The following PCDHGA2 variants were observed in gnomAD, a reference collection of about 807,000 sequenced individuals.
PCDHGA2 encodes the protein protocadherin gamma-A2.
A neutral mutation model predicts 59.2 loss-of-function variants in PCDHGA2; 40 were observed. That is an observed-to-expected ratio of 0.68 (90% CI 0.52 to 0.88). The LOEUF is 0.88. Among genes scored for constraint, PCDHGA2 ranks in the 40% least tolerant of loss-of-function variants. The probability of loss-of-function intolerance (pLI) is 0.00; values close to 1 mark genes in which losing one functional copy is unlikely to be tolerated. For synonymous variants in PCDHGA2, 560 were observed against 526.0 expected (o/e 1.06, Z -0.89); for missense variants, 1,226 against 1,204.0 (o/e 1.02, Z -0.27).
chr5:141,345,119 T>G (rs1447793280), intron 1 of PCDHGA2: 1 of 1,614,002 alleles, frequency 6.2e-7, no homozygotes, highest in South Asian at 1.1e-5. Context: ...AGGGCACCGT[T>G]GGAAGAGAAA....
At chr5:141,456,057 C>T (rs2098842079) in intron 1 of PCDHGA2, among the ~76,000 whole-genome samples, 1 of 151,914 alleles carries the variant, frequency 6.6e-6, no homozygotes, top group South Asian at 2.1e-4. Context: ...ACCACCACGT[C>T]CGGCTAATTT....
intron 1 of PCDHGA2, among the ~76,000 whole-genome samples, chr5:141,349,200 G>A (rs977753760): frequency 6.6e-6 from 1 of 151,708 alleles, no homozygotes; most frequent in Admixed American, 6.6e-5. Context: ...CTCCCGAGTA[G>A]CTGGCGTTAC....
rs779292483 is a variant in PCDHGA2 at position 141,491,102 on chromosome 5, T to C, written c.2425-3705T>C. The C allele has an allele frequency of 6.2e-7, 1 of 1,614,152 alleles. No individual in the cohort carries two copies. Among genetic ancestry groups the C allele is most frequent in the Non-Finnish European group, 8.5e-7 (1 of 1,180,006 alleles). ...TCCACAGCCCCAGGACTGTTCCTCG[T>C]GTCTACACACACTGGTGAGGTGCGC... On this transcript the variant is annotated intron_variant, in intron 1 of 3. Transcript: ENST00000394576. This position sits in a 1 kb window ranked among gnomAD's most constrained non-coding sequence, Gnocchi z 6.9.
chr5:141,496,146 G>T (rs749790409), intron 2 of PCDHGA2, among the ~76,000 whole-genome samples: 1 of 151,170 alleles, frequency 6.6e-6, no homozygotes, highest in South Asian at 2.1e-4. Flanking sequence ...GCCTTTGATC[G>T]CAGCTCTCCA....
intron 1 of PCDHGA2, among the ~76,000 whole-genome samples, chr5:141,482,188 G>C (rs1178289472): frequency 2.6e-5 from 4 of 152,122 alleles, no homozygotes; most frequent in African/African-American, 9.7e-5. Context: ...CGATGCTCCA[G>C]TTCTAGTAAA....
In PCDHGA2 at chr5:141,339,906, C is replaced by T. The variant is rs552308374; in HGVS notation, c.935C>T (p.Ala312Val). Residue 312 changes from alanine to valine, a missense_variant, in exon 1 of 4, where the codon GCT becomes GTT. Ala to Val is a moderately conservative substitution (Grantham distance 64). Coordinates refer to ENST00000394576, the MANE Select transcript of PCDHGA2 (RefSeq NM_018915.4). ...ATAAAAGATCTAGATTATGAGGATG[C>T]TACATTCCATGAAATTGATATTGAA... The part of the protein sequence containing the change: ...TIIKDLDYED[A>V]TFHEIDIEAQ... 6.2e-7 allele frequency: 1 copy of T among 1,614,134 alleles called. No individual in the cohort carries two copies. Among genetic ancestry groups the T allele is most frequent in the Admixed American group, 1.7e-5 (1 of 60,026 alleles).
chr5:141,356,507 C>A, intron 1 of PCDHGA2: 1 of 1,614,020 alleles, frequency 6.2e-7, no homozygotes, highest in Non-Finnish European at 8.5e-7. Context: ...TCTACAGAAA[C>A]TCATATTTCA....
intron 1 of PCDHGA2, chr5:141,372,113 G>T (rs1466708600): frequency 1.9e-6 from 3 of 1,613,786 alleles, no homozygotes; most frequent in Non-Finnish European, 2.5e-6. Flanking sequence ...AAGGCTCTGC[G>T]CTCTTCGATA....
rs1252963204 is a variant in PCDHGA2, at chr5:141,340,325, T to G, written c.1354T>G (p.Phe452Val). ...AGACATCAACGACAACGCACCCGCC[T>G]TCTCCCGCACATCCTACTCCACCTA... The part of the protein sequence containing the change: ...VADINDNAPA[F>V]SRTSYSTYIP... Residue 452 changes from phenylalanine (F) to valine (V), a missense_variant, in exon 1 of 4, where the codon TTC (phenylalanine) becomes GTC (valine). Coordinates refer to ENST00000394576, the MANE Select transcript of PCDHGA2 (RefSeq NM_018915.4). 1.2e-6 allele frequency: 2 copies of G among 1,614,078 alleles called. No homozygotes were observed. Among genetic ancestry groups the G allele is most frequent in the Admixed American group, 3.3e-5 (2 of 60,020 alleles).
intron 1 of PCDHGA2, chr5:141,409,483 G>C: frequency 6.2e-7 from 1 of 1,613,944 alleles, no homozygotes; most frequent in Non-Finnish European, 8.5e-7. Context: ...CCACTGACAG[G>C]GGCAAGCCGC....
At position 141,423,756 on chromosome 5, in the gene PCDHGA2, G is replaced by GGA. The variant is rs1554116833; in HGVS notation, c.2425-71050_2425-71049insAG. 3 of 448,454 alleles carry GGA rather than the reference G, an allele frequency of 6.7e-6. No individual in the cohort carries two copies. In the African/African-American group the frequency reaches 8.4e-5, roughly 13 times the overall value. The allele number at this position is 448,454 out of a possible 1,614,324, so 27.8% of individuals were successfully genotyped here. A position where few individuals can be genotyped will look rare whatever the true frequency, so the allele number is the denominator to read the frequency against. ...GCCTGTTATGAAAACTGTTTGGGGG[G>GGA]GGGGTGGGGCGGCATATATTTAGTT... On this transcript the variant is annotated intron_variant, in intron 1 of 3. Coordinates refer to ENST00000394576, the MANE Select transcript of PCDHGA2 (RefSeq NM_018915.4).
chr5:141,506,459 A>G (rs1159808052), intron 3 of PCDHGA2, among the ~76,000 whole-genome samples: 4 of 151,918 alleles, frequency 2.6e-5, no homozygotes, highest in Non-Finnish European at 4.4e-5. Context: ...AAAAAAAAAA[A>G]AAAAAAGAGC....
At chr5:141,450,006 C>CTTT (rs1554136305) in intron 1 of PCDHGA2, among the ~76,000 whole-genome samples, 1 of 132,986 alleles carries the variant, frequency 7.5e-6, no homozygotes, top group Non-Finnish European at 1.6e-5. Context: ...TGCCATGTCT[C>CTTT]TTTTTTTTTT....
At chr5:141,401,614 G>T (rs1242268897) in intron 1 of PCDHGA2, among the ~76,000 whole-genome samples, 1 of 152,188 alleles carries the variant, frequency 6.6e-6, no homozygotes, top group Non-Finnish European at 1.5e-5. Context: ...AAAGACACCG[G>T]ATTTGTCTTA....
At chr5:141,357,481 G>A (rs1760624394) in intron 1 of PCDHGA2, 15 of 1,614,106 alleles carry the variant, frequency 9.3e-6, no homozygotes, top group Non-Finnish European at 1.3e-5. Context: ...CTCCCTCACC[G>A]CGGACTCGCG....
At chr5:141,414,921 G>T (rs746806079) in intron 1 of PCDHGA2, 22 of 1,613,992 alleles carry the variant, frequency 1.4e-5, no homozygotes, top group East Asian at 4.5e-5. Context: ...TGGAGCTGGC[G>T]CCCCGCTCCG....
intron 1 of PCDHGA2, chr5:141,420,388 A>G (rs986892784): frequency 3.1e-6 from 4 of 1,282,144 alleles, no homozygotes; most frequent in Non-Finnish European, 4.1e-6. Context: ...TTCGCAAAAT[A>G]TAGGTCAAAT....
chr5:141,492,050 C>CT, intron 1 of PCDHGA2: 1 of 501,102 alleles, frequency 2.0e-6, no homozygotes, highest in Non-Finnish European at 3.5e-6. Flanking sequence ...AGATCCACCC[C>CT]TGCAGCCAGC....
At chr5:141,393,304 T>G (rs1317637425) in intron 1 of PCDHGA2, 3 of 1,613,680 alleles carry the variant, frequency 1.9e-6, no homozygotes, top group Admixed American at 1.7e-5. Context: ...GATGTGGGCG[T>G]GAACTCCCTC....
Sources: gnomAD v4.1 joint callset for allele counts (sites outside exome capture counted in the v4.1 genomes callset) on GRCh38, gnomAD v4.1.1 for gene constraint, Gnocchi (gnomAD v3.1) non-coding constraint, MANE v1.5 for transcripts, NCBI Gene and HGNC (gene_info 2026-07-23, HGNC 2026-07-21) for gene names.